The following KDM5A variants were observed in gnomAD, a reference collection of about 807,000 sequenced individuals.
The protein encoded by KDM5A is lysine demethylase 5A.
In KDM5A, 42 loss-of-function variants were observed where a neutral mutation model predicts 193.5. The ratio of observed to expected loss-of-function variants is 0.22; its 90% CI spans 0.17 to 0.28. The LOEUF is 0.28. Among genes scored for constraint, KDM5A ranks in the 10% least tolerant of loss-of-function variants. The pLI is 1.00. For synonymous variants in KDM5A, 796 were observed against 718.1 expected (o/e 1.11, Z -1.73); for missense variants, 1,692 against 2,055.1 (o/e 0.82, Z 3.42).
rs2137370448 is a variant in KDM5A, at chr12:295,893, T to A, written c.4235-100A>T. On this transcript the variant is annotated intron_variant, in intron 25 of 27. Coordinates refer to ENST00000399788, the MANE Select transcript of KDM5A (RefSeq NM_001042603.3). ...TTGAGACTAGCCCCCCATCCCCCAATACTAACTTCAGATATCTGGATTCAT... is the reference window on the plus strand; with the variant it reads ...TTGAGACTAGCCCCCCATCCCCCAAAACTAACTTCAGATATCTGGATTCAT... 3 of 934,304 alleles carry A rather than the reference T, an allele frequency of 3.2e-6. No homozygotes were observed. In the East Asian group the frequency reaches 7.7e-5, roughly 24 times the overall value. The allele number at this position is 934,304 out of a possible 1,614,324, so 57.9% of individuals were successfully genotyped here.
rs1565519809 is a variant in KDM5A at position 282,100 on chromosome 12, T to TACACAGAA, written c.*3355_*3356insTTCTGTGT. On this transcript the variant is annotated 3_prime_UTR_variant, in exon 28 of 28. Transcript: ENST00000399788. Reference sequence around the variant, plus strand: ...ACCATGCTAACCTTACAGCTCAGCCTGCACAGAAGCACAGAAGCAAAGCCC... The same window carrying TACACAGAA: ...ACCATGCTAACCTTACAGCTCAGCCTACACAGAAGCACAGAAGCACAGAAGCAAAGCCC... 3.2e-6 allele frequency: 1 copy of TACACAGAA among 307,716 alleles called. No individual in the cohort carries two copies. Among genetic ancestry groups the TACACAGAA allele is most frequent in the East Asian group, 5.7e-5 (1 of 17,606 alleles). 19.1% of individuals were successfully genotyped at this position (307,716 alleles called of 1,614,324 possible). A position where few individuals can be genotyped will look rare whatever the true frequency, so the allele number is the denominator to read the frequency against.
intron 14 of KDM5A, 32 bp downstream of exon 14, chr12:328,803 T>A: frequency 6.2e-7 from 1 of 1,602,192 alleles, no homozygotes; most frequent in Non-Finnish European, 8.5e-7. Context: ...ATAAGCAGTA[T>A]CAAACATAGA....
chr12:348,938 TG>T (rs1315619155), intron 10 of KDM5A, among the ~76,000 whole-genome samples: 1 of 149,076 alleles, frequency 6.7e-6, no homozygotes, highest in Non-Finnish European at 1.5e-5. Flanking sequence ...AAAAACCTTA[TG>T]GTGTCAAACT....
chr12:382,551 G>A (rs972358378), intron 3 of KDM5A, among the ~76,000 whole-genome samples: 3 of 151,722 alleles, frequency 2.0e-5, no homozygotes, highest in African/African-American at 4.8e-5. Flanking sequence ...TAAATTATAA[G>A]ATATGAAAGG....
At chr12:316,841 A>G (rs1024084854) in intron 19 of KDM5A, among the ~76,000 whole-genome samples, 3 of 152,204 alleles carry the variant, frequency 2.0e-5, no homozygotes, top group Admixed American at 1.3e-4. Flanking sequence ...AATCACCTAA[A>G]TATTTTCTTA....
chr12:309,691 G>T, intron 22 of KDM5A, 112 bp downstream of exon 22: 1 of 1,151,632 alleles, frequency 8.7e-7, no homozygotes, highest in Non-Finnish European at 1.3e-6. Context: ...TAATCATAAA[G>T]CCAAAGTATA....
chr12:373,904 T>A (rs1944466202), intron 3 of KDM5A, among the ~76,000 whole-genome samples: 1 of 152,236 alleles, frequency 6.6e-6, no homozygotes, highest in Non-Finnish European at 1.5e-5. Context: ...GTGAGTTTGT[T>A]AATCCTGAGT....
rs752129078 is a variant in KDM5A, at chr12:307,217, T to C, written c.3931-128A>G. On this transcript the variant is annotated intron_variant, in intron 23 of 27. Transcript: ENST00000399788. The surrounding 1 kb of genome is among the most constrained non-coding windows in gnomAD (Gnocchi z 4.3). Reference sequence around the variant, plus strand: ...GCTAACAGAGTTCTTCAACAGTTAGTAGAAATCAAATTATTTGATTATGAT... The same window carrying C: ...GCTAACAGAGTTCTTCAACAGTTAGCAGAAATCAAATTATTTGATTATGAT... 3.5e-6 allele frequency: 4 copies of C among 1,158,912 alleles called. No homozygotes were observed. The highest frequency in any genetic ancestry group is 1.3e-5 in the South Asian group (1 of 77,766). The allele number at this position is 1,158,912 out of a possible 1,614,324, so 71.8% of individuals were successfully genotyped here.
intron 3 of KDM5A, among the ~76,000 whole-genome samples, chr12:375,355 T>C (rs888021367): frequency 1.3e-5 from 2 of 152,252 alleles, no homozygotes; most frequent in East Asian, 3.8e-4. Context: ...TTCTTCCAAA[T>C]GATCAAATTG....
At chr12:305,237 C>A (rs1475492711) in intron 24 of KDM5A, among the ~76,000 whole-genome samples, 16 of 151,922 alleles carry the variant, frequency 1.1e-4, no homozygotes, top group Non-Finnish European at 2.9e-5. Flanking sequence ...ACAAAACTTT[C>A]AAAACTGAAA....
In KDM5A at chr12:351,474, G is replaced by A. The variant is rs1459607035; in HGVS notation, c.1150-695C>T. 2.0e-5 allele frequency among the ~76,000 whole-genome samples: 3 copies of A among 152,036 alleles called. No individual in the cohort carries two copies. In the East Asian group the frequency reaches 5.8e-4, roughly 29 times the overall value. ...CAGTCTATCATTGATGGGCATCTGG[G>A]TTGGTTTCAAGTCTTTAAAGCAACA... On this transcript the variant is annotated intron_variant, in intron 9 of 27. Coordinates refer to ENST00000399788, the MANE Select transcript of KDM5A (RefSeq NM_001042603.3).
chr12:357,681 A>G (rs905685336), intron 5 of KDM5A, among the ~76,000 whole-genome samples: 6 of 151,650 alleles, frequency 4.0e-5, no homozygotes, highest in Admixed American at 3.3e-4. Context: ...TACAAAAATT[A>G]GCCAGGCATG....
intron 6 of KDM5A, 75 bp from the exon 7 acceptor site, chr12:355,324 A>G: frequency 2.5e-6 from 2 of 815,436 alleles, no homozygotes; most frequent in South Asian, 2.8e-5. Context: ...ACTATTTAAA[A>G]TTATTTAAAT....
At position 388,936 on chromosome 12, in the gene KDM5A, C is replaced by A. The variant is rs1591947371; in HGVS notation, c.156G>T (p.Arg52=). 6.2e-7 allele frequency: 1 copy of A among 1,614,210 alleles called. No homozygotes were observed. The highest frequency in any genetic ancestry group is 2.2e-5 in the East Asian group (1 of 44,888). The change falls in exon 1 of 28, where the codon CGG becomes CGT. Residue 52 remains arginine (R), a synonymous_variant. Coordinates refer to ENST00000399788, the MANE Select transcript of KDM5A (RefSeq NM_001042603.3). ...TCACAGACTGAGGTACCTTGGGCGG[C>A]CGAATTTTGCAGATGCCGGTTTTCT... ...LAEKTGICKI[R]PPKDWQPPFA...
chr12:356,490 C>A lies in KDM5A; in HGVS notation c.720G>T (p.Gln240His), dbSNP rs371585081. 2.5e-5 allele frequency: 40 copies of A among 1,613,850 alleles called. No individual in the cohort carries two copies. The Admixed American group carries it at 6.7e-4, about 27-fold the overall frequency. Residue 240 changes from glutamine (Q) to histidine (H), a missense_variant, in exon 6 of 28, where the codon CAG becomes CAT. Physicochemically the swap from Gln to His is conservative, Grantham distance 24. Around this residue, in one of 11 missense-constraint regions of KDM5A, gnomAD observed 134 missense variants for 124.2 expected, o/e 1.08. Transcript: ENST00000399788. ...VSRNTELKKL[Q>H]IFGAGPKVVG... ...CAACCTTGGGCCCAGCCCCAAAAAT[C>A]TGAAGTTTCTTCAGTTCCGTGTTTC...
chr12:365,193 C>A (rs1944341961), intron 4 of KDM5A, among the ~76,000 whole-genome samples: 1 of 152,104 alleles, frequency 6.6e-6, no homozygotes, highest in Non-Finnish European at 1.5e-5. Flanking sequence ...GCTGGGACCA[C>A]TGGCGCACAC....
rs1437601580 is a variant in KDM5A at position 315,902 on chromosome 12, A to C, written c.2897+2204T>G. 5.3e-5 allele frequency among the ~76,000 whole-genome samples: 8 copies of C among 152,214 alleles called. No homozygotes were observed. In the South Asian group the frequency reaches 1.7e-3, roughly 32 times the overall value. ...TCTAACAGGCGGATGATATTTATGA[A>C]AGAAATCTATATTATAAATGAAGAT... is the stretch of plus-strand genomic sequence containing the variant. On this transcript the variant is annotated intron_variant, in intron 19 of 27. Coordinates refer to ENST00000399788, the MANE Select transcript of KDM5A (RefSeq NM_001042603.3).
chr12:285,376 G>T lies in KDM5A; in HGVS notation c.*80C>A. ...CATCTTTGGAAGCAACATTCCAAGT[G>T]GATATAAACCACTCTACTTGATGAC... On this transcript the variant is annotated 3_prime_UTR_variant, in exon 28 of 28. Coordinates refer to ENST00000399788, the MANE Select transcript of KDM5A (RefSeq NM_001042603.3). 8.0e-7 allele frequency: 1 copy of T among 1,247,226 alleles called. No individual in the cohort carries two copies. Among genetic ancestry groups the T allele is most frequent in the Non-Finnish European group, 1.2e-6 (1 of 851,680 alleles). The allele number at this position is 1,247,226 out of a possible 1,614,324, so 77.3% of individuals were successfully genotyped here. A position where few individuals can be genotyped will look rare whatever the true frequency, so the allele number is the denominator to read the frequency against.
At chr12:385,404 C>T (rs1017829916) in intron 2 of KDM5A, among the ~76,000 whole-genome samples, 2 of 151,620 alleles carry the variant, frequency 1.3e-5, no homozygotes, top group Admixed American at 6.6e-5. Flanking sequence ...ATTAGTAATA[C>T]TTAAAGTAAT....
Sources: gnomAD v4.1 joint callset for allele counts (sites outside exome capture counted in the v4.1 genomes callset) on GRCh38, gnomAD v4.1.1 for gene constraint, gnomAD v4.1.1 regional missense constraint, Gnocchi (gnomAD v3.1) non-coding constraint, MANE v1.5 for transcripts, NCBI Gene and HGNC (gene_info 2026-07-23, HGNC 2026-07-21) for gene names.